The following ACE variants were observed in gnomAD, a reference collection of about 807,000 sequenced individuals.
The protein encoded by ACE is angiotensin I converting enzyme.
Under a neutral mutation model 162.3 loss-of-function variants are expected in ACE, and 122 were observed. The observed-to-expected ratio is 0.75, with a 90% CI of 0.65 to 0.87. ACE has a LOEUF of 0.87. ACE is among the 40% of genes least tolerant of loss of function. The probability of loss-of-function intolerance (pLI) is 0.00; values close to 1 mark genes in which losing one functional copy is unlikely to be tolerated. For missense variants in ACE, 1,799 were observed against 1,735.1 expected, an observed-to-expected ratio of 1.04 and a Z score of -0.65; for synonymous variants, 796 against 720.6, an observed-to-expected ratio of 1.10 and a Z score of -1.68.
intron 6 of ACE, 46 bp downstream of exon 6, chr17:63,481,234 G>GCCGGGGGGGGCC: frequency 1.6e-6 from 1 of 624,000 alleles, no homozygotes; most frequent in Non-Finnish European, 3.0e-6. Flanking sequence ...CGGGGGTGGG[G>GCCGGGGGGGGCC]CGCAAAAAAA....
chr17:63,494,015 T>C lies in ACE; in HGVS notation c.3230T>C (p.Phe1077Ser). The change falls in exon 21 of 25, where the codon TTT (phenylalanine) becomes TCT (serine). Residue 1077 changes from phenylalanine (F) to serine (S), a missense_variant. Phe to Ser is a radical substitution (Grantham distance 155). Transcript: ENST00000290866. ...GTCGATCAGTGGCGCTGGAGGGTAT[T>C]TGATGGAAGCATCACCAAGGAGAAC... ...YLVDQWRWRV[F>S]DGSITKENYN... 6.8e-6 allele frequency: 11 copies of C among 1,614,150 alleles called. No homozygotes were observed. The highest frequency in any genetic ancestry group is 9.3e-6 in the Non-Finnish European group (11 of 1,180,032).
rs151080102 is a variant in ACE at position 63,497,736 on chromosome 17, C to T, written c.*370C>T. On this transcript the variant is annotated 3_prime_UTR_variant, in exon 25 of 25. Coordinates refer to ENST00000290866, the MANE Select transcript of ACE (RefSeq NM_000789.4). ...TGTTCCTCCATCCTCCTTCAGGAGC[C>T]GGGGAGGATCCCCAGAGCTCTGCCC... 31 of 434,360 alleles carry T rather than the reference C, an allele frequency of 7.1e-5. No individual in the cohort carries two copies. Among genetic ancestry groups the T allele is most frequent in the Non-Finnish European group, 1.1e-4 (24 of 228,392 alleles). The allele number at this position is 434,360 out of a possible 1,614,324, so 26.9% of individuals were successfully genotyped here. A position where few individuals can be genotyped will look rare whatever the true frequency, so the allele number is the denominator to read the frequency against.
In ACE at chr17:63,481,621, A is replaced by G; in HGVS notation, c.1001A>G (p.Glu334Gly). 6 of 1,613,986 alleles carry G rather than the reference A, an allele frequency of 3.7e-6. No homozygotes were observed. Among genetic ancestry groups the G allele is most frequent in the Non-Finnish European group, 5.1e-6 (6 of 1,180,010 alleles). Residue 334 changes from glutamate to glycine, a missense_variant, in exon 7 of 25, where the codon GAG (glutamate) becomes GGG (glycine). Physicochemically the swap from Glu to Gly is moderately conservative, Grantham distance 98. Coordinates refer to ENST00000290866, the MANE Select transcript of ACE (RefSeq NM_000789.4). ...RVAEEFFTSLELSPMPPEFWE... is the reference protein window; with the variant it reads ...RVAEEFFTSLGLSPMPPEFWE... ...GCAGAGGAGTTCTTCACCTCCCTGG[A>G]GCTCTCCCCCATGCCTCCCGAGTTC...
rs767880620 is a variant in ACE, at chr17:63,486,687, C to A, written c.2189C>A (p.Ala730Glu). Residue 730 changes from alanine (A) to glutamate (E), a missense_variant, in exon 14 of 25, where the codon GCA (alanine) becomes GAA (glutamate). Physicochemically the swap from Ala to Glu is moderately radical, Grantham distance 107. Transcript: ENST00000290866. ...AAGAAGGTTCAGGACCTAGAACGGG[C>A]AGCACTGCCTGCCCAGGAGCTGGAG... ...IIKKVQDLER[A>E]ALPAQELEEY... The A allele has an allele frequency of 4.6e-5, 75 of 1,614,128 alleles. No homozygotes were observed. Among genetic ancestry groups the A allele is most frequent in the Admixed American group, 2.8e-4 (17 of 60,012 alleles).
chr17:63,479,960 C>A, intron 4 of ACE, 48 bp downstream of exon 4: 1 of 1,571,634 alleles, frequency 6.4e-7, no homozygotes, highest in South Asian at 1.1e-5. Flanking sequence ...TGTCCTCTCT[C>A]AGCTGTCTCC....
chr17:63,489,688 T>C (rs1568043895), intron 17 of ACE, among the ~76,000 whole-genome samples: 1 of 152,092 alleles, frequency 6.6e-6, no homozygotes, highest in Non-Finnish European at 1.5e-5. Context: ...CAGTAAGGGA[T>C]GGTAGGGAGT....
chr17:63,488,530 A>G, intron 15 of ACE, 118 bp from the exon 16 acceptor site: 1 of 1,084,776 alleles, frequency 9.2e-7, no homozygotes, highest in Non-Finnish European at 1.4e-6. Flanking sequence ...CCTGCTGCCT[A>G]TACAGTCACT....
Position 63,477,068 on chromosome 17 carries a change from G to A in ACE, c.-27G>A, listed in dbSNP as rs2049626295. On this transcript the variant is annotated 5_prime_UTR_variant, in exon 1 of 25. Coordinates refer to ENST00000290866, the MANE Select transcript of ACE (RefSeq NM_000789.4). ...GGGCGGCCGCGGCGCAGGAGAAGGG[G>A]CAGAGCCGAGCACCGCGCACCGCGT... 7.9e-7 allele frequency: 1 copy of A among 1,271,246 alleles called. No homozygotes were observed. The highest frequency in any genetic ancestry group is 9.9e-7 in the Non-Finnish European group (1 of 1,014,214). 78.7% of individuals were successfully genotyped at this position (1,271,246 alleles called of 1,614,324 possible).
chr17:63,493,879 G>A (rs374544329), intron 20 of ACE, 43 bp from the exon 21 acceptor site: 22 of 1,613,906 alleles, frequency 1.4e-5, no homozygotes, highest in African/African-American at 6.7e-5. Flanking sequence ...GGGCCAAGCC[G>A]CTAGGACCCT....
intron 2 of ACE, 146 bp downstream of exon 2, chr17:63,478,244 G>A (rs2049651648): frequency 1.9e-6 from 2 of 1,035,320 alleles, no homozygotes; most frequent in African/African-American, 1.6e-5. Flanking sequence ...AGCACAGAAT[G>A]GCTTTCTGAG....
At chr17:63,482,752 G>T in intron 8 of ACE, 63 bp downstream of exon 8, 1 of 1,528,000 alleles carries the variant, frequency 6.5e-7, no homozygotes, top group Non-Finnish European at 9.0e-7. Context: ...CCCACAGCAG[G>T]ACCTCACTTG....
At position 63,484,817 on chromosome 17, in the gene ACE, G is replaced by A. The variant is rs71375895; in HGVS notation, c.1921+276G>A. 9.2e-6 allele frequency: 14 copies of A among 1,520,170 alleles called. No homozygotes were observed. Among genetic ancestry groups the A allele is most frequent in the African/African-American group, 5.5e-5 (4 of 72,874 alleles). The allele number at this position is 1,520,170 out of a possible 1,614,324, so 94.2% of individuals were successfully genotyped here. On this transcript the variant is annotated intron_variant, in intron 12 of 24. Coordinates refer to ENST00000290866, the MANE Select transcript of ACE (RefSeq NM_000789.4). The surrounding 1 kb of genome is among the most constrained non-coding windows in gnomAD (Gnocchi z 4.0). The stretch of plus-strand genomic sequence containing the variant: ...TCTGTGAGGTCACACTGCGGGCTCC[G>A]CTCTTATTGGCCAGGGGACGGTAGC...
intron 1 of ACE, 135 bp from the exon 2 acceptor site, chr17:63,477,796 C>A: frequency 9.1e-7 from 1 of 1,099,670 alleles, no homozygotes; most frequent in East Asian, 2.6e-5. Context: ...CTAAGGTCTC[C>A]CGCAGGGATC....
chr17:63,478,315 G>A, intron 2 of ACE: 1 of 627,340 alleles, frequency 1.6e-6, no homozygotes, highest in Non-Finnish European at 2.7e-6. Context: ...GCATTCTGGA[G>A]TAGGAAGCCA....
chr17:63,494,267 G>A (rs1180666594), intron 21 of ACE, 105 bp from the exon 22 acceptor site: 20 of 1,272,874 alleles, frequency 1.6e-5, no homozygotes, highest in African/African-American at 3.0e-5. Flanking sequence ...AGAATGGGGT[G>A]CCCAGTATAG....
At chr17:63,487,895 C>A (rs2030073779) in intron 15 of ACE, among the ~76,000 whole-genome samples, 1 of 152,186 alleles carries the variant, frequency 6.6e-6, no homozygotes, top group South Asian at 2.1e-4. Context: ...TTTCCCAGGA[C>A]AGGGTTTGGC....
rs1055086 is a variant in ACE at position 63,498,276 on chromosome 17, A to G, written c.*910A>G. The G allele has an allele frequency of 0.59, 90,259 of 152,092 alleles. 28,684 individuals are homozygous for G. Among genetic ancestry groups the G allele is most frequent in the African/African-American group, 0.84 (34,780 of 41,522 alleles). The allele number at this position is 152,092 out of a possible 1,614,324, so 9.4% of individuals were successfully genotyped here. On this transcript the variant is annotated 3_prime_UTR_variant, in exon 25 of 25. Transcript: ENST00000290866. ...CCTGCATTGGAGGGAGTGTCATTTT[A>G]AGGGACATTTTTATGACTTTTATGT...
intron 10 of ACE, 25 bp downstream of exon 10, chr17:63,483,583 C>A (rs759884519): frequency 2.6e-6 from 4 of 1,534,768 alleles, no homozygotes; most frequent in African/African-American, 1.4e-5. Context: ...ACCCCACCCA[C>A]CCCCAGTACT....
In ACE at chr17:63,491,198, T is replaced by A. The variant is rs2030355694; in HGVS notation, c.2740-11T>A. 1 of 1,613,768 alleles carries A rather than the reference T, an allele frequency of 6.2e-7. No homozygotes were observed. Among genetic ancestry groups the A allele is most frequent in the Non-Finnish European group, 8.5e-7 (1 of 1,180,020 alleles). Reference sequence around the variant, plus strand: ...AACCCCCAGTTTGGGCAGAACTCCCTCTGCTTGCAGGGCTGGACGCCCAGG... The same window carrying A: ...AACCCCCAGTTTGGGCAGAACTCCCACTGCTTGCAGGGCTGGACGCCCAGG... On this transcript the variant is annotated splice_polypyrimidine_tract_variant and intron_variant, in intron 18 of 24. Coordinates refer to ENST00000290866, the MANE Select transcript of ACE (RefSeq NM_000789.4). This position sits in a 1 kb window ranked among gnomAD's most constrained non-coding sequence, Gnocchi z 4.4.
Sources: gnomAD v4.1 joint callset for allele counts (sites outside exome capture counted in the v4.1 genomes callset) on GRCh38, gnomAD v4.1.1 for gene constraint, Gnocchi (gnomAD v3.1) non-coding constraint, MANE v1.5 for transcripts, NCBI Gene and HGNC (gene_info 2026-07-23, HGNC 2026-07-21) for gene names.